Variants in STAG3 observed in about 807,000 individuals in gnomAD.
STAG3 encodes cohesin subunit SA-3.
STAG3 carries 101 observed loss-of-function variants against 160.7 expected under a neutral mutation model. The ratio of observed to expected loss-of-function variants is 0.63; its 90% CI spans 0.54 to 0.74. The LOEUF (loss-of-function observed/expected upper bound fraction) is 0.74, where lower values mean the gene tolerates loss of function less well. Among genes scored for constraint, STAG3 ranks in the 30% least tolerant of loss-of-function variants. The pLI is 0.00. For missense variants in STAG3, 1,188 were observed against 1,517.4 expected (o/e 0.78, Z 3.61); for synonymous variants, 519 against 585.0 (o/e 0.89, Z 1.63).
intron 29 of STAG3, among the ~76,000 whole-genome samples, chr7:100,210,695 T>A (rs1802106846): frequency 6.6e-6 from 1 of 152,230 alleles, no homozygotes; most frequent in Admixed American, 6.5e-5. Context: ...CATGTTTGTG[T>A]TCACCTGTTC....
chr7:100,186,886 C>T (rs1435921612), intron 5 of STAG3, among the ~76,000 whole-genome samples: 4 of 152,206 alleles, frequency 2.6e-5, no homozygotes, highest in African/African-American at 9.7e-5. Context: ...TTCCCAGCTA[C>T]TTTGCCCATA....
chr7:100,217,239 C>T (rs1802838870), downstream of STAG3, among the ~76,000 whole-genome samples: 1 of 152,200 alleles, frequency 6.6e-6, no homozygotes, highest in Admixed American at 6.5e-5. Context: ...CACGCCCTCA[C>T]CCTGACAGGC....
chr7:100,217,452 A>C (rs1004599742), downstream of STAG3, among the ~76,000 whole-genome samples: 40 of 152,340 alleles, frequency 2.6e-4, 1 homozygote, highest in Middle Eastern at 3.4e-3. Context: ...GGCACTGTAG[A>C]TGTCCAGCCC....
intron 32 of STAG3, 30 bp from the exon 33 acceptor site, chr7:100,213,705 C>T (rs753612536): frequency 8.1e-6 from 13 of 1,613,914 alleles, no homozygotes; most frequent in Non-Finnish European, 1.1e-5. Context: ...GTGTAAAGGC[C>T]TTTTTGACTT....
At chr7:100,215,428 A>T (rs1289201359), downstream of STAG3, among the ~76,000 whole-genome samples, 4 of 151,924 alleles carry the variant, frequency 2.6e-5, no homozygotes, top group African/African-American at 9.7e-5. Context: ...GGGGAGTCAG[A>T]GCTGGGGTGT....
chr7:100,180,389 G>A, intron 1 of STAG3, 104 bp from the exon 2 acceptor site: 2 of 594,304 alleles, frequency 3.4e-6, no homozygotes, highest in Admixed American at 5.6e-5. Flanking sequence ...CCCCTCACCT[G>A]ACCCCAGAGT....
chr7:100,179,340 A>G (rs1005099279), intron 1 of STAG3, among the ~76,000 whole-genome samples: 2 of 148,506 alleles, frequency 1.3e-5, no homozygotes, highest in Non-Finnish European at 3.0e-5. Context: ...CTCCTGTCTC[A>G]GCCTCCTGAG....
At position 100,213,376 on chromosome 7, in the gene STAG3, G is replaced by A. The variant is rs552951191; in HGVS notation, c.3601-359G>A. On this transcript the variant is annotated intron_variant, in intron 32 of 33. Coordinates refer to ENST00000615138, the MANE Select transcript of STAG3 (RefSeq NM_001282717.2). ...TCTCTGCAGGGAAGGAAAAAGAACA[G>A]AATAGAACAGAACAGGGGAGTCTTG... The A allele has an allele frequency of 7.0e-5, 68 of 978,088 alleles. No homozygotes were observed. The African/African-American group carries it at 1.2e-3, about 17-fold the overall frequency. 60.6% of individuals were successfully genotyped at this position (978,088 alleles called of 1,614,324 possible). A position where few individuals can be genotyped will look rare whatever the true frequency, so the allele number is the denominator to read the frequency against.
downstream of STAG3, among the ~76,000 whole-genome samples, chr7:100,215,346 G>A (rs184998257): frequency 6.8e-5 from 10 of 146,270 alleles, no homozygotes; most frequent in African/African-American, 1.7e-4. Flanking sequence ...CTCCCTCCCC[G>A]CCCCCACCTG....
Position 100,211,525 on chromosome 7 carries a change from C to T in STAG3, c.3504C>T (p.Gly1168=). The T allele has an allele frequency of 6.2e-7, 1 of 1,613,892 alleles. No individual in the cohort carries two copies. The highest frequency in any genetic ancestry group is 1.1e-5 in the South Asian group (1 of 91,042). ...ACAACCCTTCAGGTCCTGGCCTGGG[C>T]AACCAGCTGATGCGGTGAGCTTTTC... is the stretch of plus-strand genomic sequence containing the variant. ...TPHNPSGPGL[G]NQLMRLSLME... is the part of the protein sequence containing the mutation. Residue 1168 remains glycine (G), a synonymous_variant, in exon 31 of 34, where the codon GGC becomes GGT. Coordinates refer to ENST00000615138, the MANE Select transcript of STAG3 (RefSeq NM_001282717.2).
At chr7:100,178,775 T>C (rs559755913) in intron 1 of STAG3, among the ~76,000 whole-genome samples, 3 of 152,130 alleles carry the variant, frequency 2.0e-5, no homozygotes, top group Admixed American at 6.6e-5. Flanking sequence ...TTCTGGTGTC[T>C]GTAATCCCTT....
At chr7:100,213,530 A>G in intron 32 of STAG3, 1 of 985,396 alleles carries the variant, frequency 1.0e-6, no homozygotes, top group African/African-American at 1.7e-5. Flanking sequence ...AAAGTCATTT[A>G]AGGGGCTCAG....
chr7:100,217,993 G>A (rs575009336), downstream of STAG3, among the ~76,000 whole-genome samples: 254 of 150,136 alleles, frequency 1.7e-3, 2 homozygotes, highest in African/African-American at 6.0e-3. Context: ...GTGGAGCAGC[G>A]TCTTCTCTAA....
At position 100,204,788 on chromosome 7, in the gene STAG3, G is replaced by A. The variant is rs1383676925; in HGVS notation, c.2951+13G>A. ...TCATGCTACACAAGTAGGAAGTATT[G>A]GTTGCAGGTTGTGTCCAGGGAGGGC... On this transcript the variant is annotated intron_variant, in intron 27 of 33. Coordinates refer to ENST00000615138, the MANE Select transcript of STAG3 (RefSeq NM_001282717.2). 6.2e-7 allele frequency: 1 copy of A among 1,612,970 alleles called. No individual in the cohort carries two copies. Among genetic ancestry groups the A allele is most frequent in the East Asian group, 2.2e-5 (1 of 44,832 alleles).
intron 9 of STAG3, among the ~76,000 whole-genome samples, chr7:100,196,248 C>T (rs1227185021): frequency 1.3e-5 from 2 of 152,108 alleles, no homozygotes; most frequent in Admixed American, 6.5e-5. Flanking sequence ...GGAATTAAAA[C>T]ACACTCACAC....
chr7:100,213,688 CAG>C (rs1467080794), intron 32 of STAG3, 45 bp from the exon 33 acceptor site: 3 of 1,613,594 alleles, frequency 1.9e-6, no homozygotes, highest in African/African-American at 1.3e-5. Context: ...TGCGAAGTGA[CAG>C]GAGTGTGTAA....
intron 5 of STAG3, among the ~76,000 whole-genome samples, chr7:100,187,973 G>C (rs1413011412): frequency 6.6e-6 from 1 of 152,042 alleles, no homozygotes; most frequent in Non-Finnish European, 1.5e-5. Context: ...GGCCAGGCTG[G>C]TCTCGAATTC....
intron 21 of STAG3, 145 bp from the exon 22 acceptor site, chr7:100,201,641 G>T (rs571245329): frequency 1.4e-6 from 1 of 737,046 alleles, no homozygotes; most frequent in African/African-American, 1.8e-5. Flanking sequence ...TCTGAAGAAT[G>T]TCCAGAATAT....
At chr7:100,184,275 A>G (rs1799834702) in intron 4 of STAG3, among the ~76,000 whole-genome samples, 1 of 151,932 alleles carries the variant, frequency 6.6e-6, no homozygotes, top group Non-Finnish European at 1.5e-5. Flanking sequence ...CAAAAAAAAA[A>G]AAAGAAAGAA....
Sources: allele counts gnomAD v4.1 joint callset (sites outside exome capture counted in the v4.1 genomes callset), GRCh38; gene constraint gnomAD v4.1.1; transcripts MANE v1.5; gene names NCBI Gene and HGNC (gene_info 2026-07-23, HGNC 2026-07-21).